Variants in NF1 observed in about 807,000 individuals in gnomAD.
The protein encoded by NF1 is neurofibromin.
Under a neutral mutation model 325.7 loss-of-function variants are expected in NF1, and 122 were observed. The ratio of observed to expected loss-of-function variants is 0.37; its 90% confidence interval spans 0.32 to 0.44. The LOEUF is 0.44. Ranked by LOEUF, NF1 falls within the 20% of genes least tolerant of loss-of-function variation. The pLI is 1.00. For synonymous variants in NF1, 1,091 were observed against 1,186.0 expected, an observed-to-expected ratio of 0.92 and a Z score of 1.65; for missense variants, 2,140 against 3,415.4, an observed-to-expected ratio of 0.63 and a Z score of 9.31.
intron 56 of NF1, chr17:31,359,974 G>A (rs2070362280): frequency 5.8e-6 from 1 of 173,820 alleles, no homozygotes; most frequent in South Asian, 1.2e-4. Flanking sequence ...TAAGAATTGG[G>A]TATTTTATTT....
chr17:31,126,679 T>G (rs1360032074), intron 1 of NF1, among the ~76,000 whole-genome samples: 2 of 152,068 alleles, frequency 1.3e-5, no homozygotes, highest in Non-Finnish European at 2.9e-5. Flanking sequence ...TGAGCTCCAG[T>G]GATCTACCCA....
At chr17:31,225,316 G>C (rs2144028909) in intron 17 of NF1, 66 bp downstream of exon 17, 1 of 1,556,740 alleles carries the variant, frequency 6.4e-7, no homozygotes, top group Non-Finnish European at 8.8e-7. Context: ...AATGAAATTT[G>C]GTAAATTTCA....
At chr17:31,097,477 A>G (rs924236879) in intron 1 of NF1, among the ~76,000 whole-genome samples, 3 of 151,758 alleles carry the variant, frequency 2.0e-5, no homozygotes, top group African/African-American at 4.8e-5. Flanking sequence ...AAAAAAAAAA[A>G]AAAGGAGGAA....
intron 55 of NF1, 59 bp downstream of exon 55, chr17:31,358,681 T>C: frequency 6.4e-7 from 1 of 1,574,230 alleles, no homozygotes; most frequent in East Asian, 2.2e-5. Context: ...CGCGCTGTTG[T>C]AGAATGCACT....
chr17:31,349,706 C>G (rs1163820902), intron 49 of NF1, among the ~76,000 whole-genome samples: 1 of 152,176 alleles, frequency 6.6e-6, no homozygotes, highest in Admixed American at 6.5e-5. Context: ...GTCATTTTAT[C>G]TGGAGTATCT....
chr17:31,171,690 T>C (rs1212466007), intron 5 of NF1, among the ~76,000 whole-genome samples: 2 of 152,136 alleles, frequency 1.3e-5, no homozygotes, highest in African/African-American at 4.8e-5. Context: ...ATAAAACCGA[T>C]ATTAAATAGG....
intron 1 of NF1, among the ~76,000 whole-genome samples, chr17:31,119,529 A>G (rs574800449): frequency 1.7e-4 from 25 of 150,588 alleles, no homozygotes; most frequent in African/African-American, 5.6e-4. Context: ...TCAGATGGAG[A>G]GATTGCAAAA....
chr17:31,180,774 G>C (rs554734791), intron 5 of NF1, among the ~76,000 whole-genome samples: 1 of 152,250 alleles, frequency 6.6e-6, no homozygotes, highest in South Asian at 2.1e-4. Flanking sequence ...AGAAATAAAG[G>C]GTATTCGGTT....
At chr17:31,308,240 C>T (rs1420779277) in intron 36 of NF1, among the ~76,000 whole-genome samples, 1 of 151,810 alleles carries the variant, frequency 6.6e-6, no homozygotes, top group Non-Finnish European at 1.5e-5. Flanking sequence ...TGGGTTCAAG[C>T]GATTCTTGTG....
chr17:31,218,559 TTTTTTTTCTTTTTTC>T (rs746857388), intron 13 of NF1, among the ~76,000 whole-genome samples: 26 of 150,522 alleles, frequency 1.7e-4, no homozygotes, highest in African/African-American at 6.2e-4. Context: ...TCTTTCTTTC[TTTTTTTTCTTTTTTC>T]TTTTTTTCTT....
At chr17:31,097,459 CAAAA>C (rs71142015) in intron 1 of NF1, among the ~76,000 whole-genome samples, 12 of 78,328 alleles carry the variant, frequency 1.5e-4, no homozygotes, top group Non-Finnish European at 2.4e-4. Flanking sequence ...CTCTTGTCTC[CAAAA>C]AAAAAAAAAA....
intron 36 of NF1, chr17:31,294,787 T>G: frequency 1.7e-6 from 1 of 585,634 alleles, no homozygotes; most frequent in Non-Finnish European, 3.0e-6. Context: ...AAGAAACTCA[T>G]TAGTTTACTT....
intron 5 of NF1, among the ~76,000 whole-genome samples, chr17:31,173,061 C>T (rs1300647545): frequency 6.6e-6 from 1 of 151,972 alleles, no homozygotes; most frequent in Non-Finnish European, 1.5e-5. Flanking sequence ...GTGGGCGGAT[C>T]ACTGAGGTTA....
chr17:31,230,085 C>T, intron 22 of NF1, 111 bp downstream of exon 22: 1 of 1,449,548 alleles, frequency 6.9e-7, no homozygotes, highest in Non-Finnish European at 9.7e-7. Context: ...TTACTGCACA[C>T]AAACTAGGGT....
At chr17:31,358,876 G>C in intron 55 of NF1, 93 bp from the exon 56 acceptor site, 2 of 1,186,440 alleles carry the variant, frequency 1.7e-6, no homozygotes, top group Non-Finnish European at 2.5e-6. Context: ...TGTACATAGG[G>C]TTTATATATC....
rs774069085 is a variant in NF1, at chr17:31,305,669, C to T, written c.4836-20151C>T. 42 of 1,525,508 alleles carry T rather than the reference C, an allele frequency of 2.8e-5. No homozygotes were observed. In the East Asian group the frequency reaches 3.6e-4, roughly 13 times the overall value. 94.5% of individuals were successfully genotyped at this position (1,525,508 alleles called of 1,614,324 possible). A position where few individuals can be genotyped will look rare whatever the true frequency, so the allele number is the denominator to read the frequency against. ...ATAATGAAAGAGAAAGACAGTTAGG[C>T]GTCATTGGTGTCTAGTTAAAAATTT... On this transcript the variant is annotated intron_variant, in intron 36 of 57. Transcript: ENST00000358273.
At chr17:31,266,934 CT>C (rs71142040) in intron 36 of NF1, among the ~76,000 whole-genome samples, 77,987 of 143,484 alleles carry the variant, frequency 0.54, 23,296 homozygotes, top group Middle Eastern at 0.76. Context: ...GCTGCATAAT[CT>C]TTTTTTTTTT....
chr17:31,354,795 C>T lies in NF1; in HGVS notation c.7616-1665C>T, dbSNP rs571841117. 3.9e-5 allele frequency among the ~76,000 whole-genome samples: 6 copies of T among 152,182 alleles called. No individual in the cohort carries two copies. The South Asian group carries it at 1.0e-3, about 26-fold the overall frequency. On this transcript the variant is annotated intron_variant, in intron 51 of 57. Coordinates refer to ENST00000358273, the MANE Select transcript of NF1 (RefSeq NM_001042492.3). Reference sequence around the variant, plus strand: ...GGCAGGAGGATTGTTTGAGGCTGACCTGGGCAGCATAGTCAGACCCTGTCT... The same window carrying T: ...GGCAGGAGGATTGTTTGAGGCTGACTTGGGCAGCATAGTCAGACCCTGTCT...
chr17:31,294,891 T>TA (rs1349233952), intron 36 of NF1: 1 of 1,362,788 alleles, frequency 7.3e-7, no homozygotes, highest in Non-Finnish European at 1.0e-6. Context: ...TTAGAAATGT[T>TA]AAGACTGGCT....
Sources: gnomAD v4.1 joint callset for allele counts (sites outside exome capture counted in the v4.1 genomes callset) on GRCh38, gnomAD v4.1.1 for gene constraint, MANE v1.5 for transcripts, NCBI Gene and HGNC (gene_info 2026-07-23, HGNC 2026-07-21) for gene names.